Variants in MYCBP2 observed in about 807,000 individuals in gnomAD.
MYCBP2 encodes the protein MYC binding protein 2, also known as E3 ubiquitin-protein ligase MYCBP2.
A neutral mutation model predicts 525.3 loss-of-function variants in MYCBP2; 120 were observed. The observed-to-expected ratio is 0.23, with a 90% confidence interval of 0.20 to 0.27. The LOEUF (loss-of-function observed/expected upper bound fraction) is 0.27, where lower values mean the gene tolerates loss of function less well. Ranked by LOEUF, MYCBP2 falls within the 10% of genes least tolerant of loss-of-function variation. The pLI, the probability that MYCBP2 is intolerant of heterozygous loss-of-function variation, is 1.00. For synonymous variants in MYCBP2, 1,894 were observed against 1,955.8 expected (o/e 0.97, Z 0.83); for missense variants, 4,149 against 5,657.1 (o/e 0.73, Z 8.55).
At chr13:77,090,032 T>C (rs1348805790) in intron 60 of MYCBP2, 74 bp downstream of exon 60, 6 of 1,295,900 alleles carry the variant, frequency 4.6e-6, no homozygotes, top group Non-Finnish European at 5.1e-6. Flanking sequence ...TTTTAAAAAT[T>C]ATATGCAAAT....
intron 49 of MYCBP2, among the ~76,000 whole-genome samples, chr13:77,141,465 A>T (rs944427614): frequency 1.1e-4 from 17 of 152,124 alleles, no homozygotes; most frequent in African/African-American, 4.1e-4. Context: ...GTTGTAGGAA[A>T]TAAATGACGT....
At chr13:77,129,275 G>T in intron 52 of MYCBP2, 1 of 396,790 alleles carries the variant, frequency 2.5e-6, no homozygotes, top group Non-Finnish European at 4.5e-6. Flanking sequence ...CAAAGAAAGG[G>T]AACAGGATAT....
chr13:77,139,202 A>G lies in MYCBP2; in HGVS notation c.7653T>C (p.Pro2551=). ...AAAACCACCTTTTACTTACGTCAACAGGGACCAGAAGACTCTTGCCAAGAT... is the reference window on the plus strand; with the variant it reads ...AAAACCACCTTTTACTTACGTCAACGGGGACCAGAAGACTCTTGCCAAGAT... ...NQHLGKSLLV[P]VDESKTNTDD... Residue 2551 remains proline (P), a synonymous_variant, in exon 52 of 83, where the codon CCT becomes CCC. Coordinates refer to ENST00000544440, the MANE Select transcript of MYCBP2 (RefSeq NM_015057.5). The G allele has an allele frequency of 6.2e-7, 1 of 1,613,232 alleles. No homozygotes were observed. The highest frequency in any genetic ancestry group is 8.5e-7 in the Non-Finnish European group (1 of 1,179,456).
chr13:77,057,041 T>C lies in MYCBP2; in HGVS notation c.13382A>G (p.Asn4461Ser). ...TGTTATCCTTGGGCCAAGCCATCGATTTTCTAATACTCGCCGACAGCACTG... is the reference window on the plus strand; with the variant it reads ...TGTTATCCTTGGGCCAAGCCATCGACTTTCTAATACTCGCCGACAGCACTG... ...HLQCCRRVLE[N>S]RWLGPRITFG... The change falls in exon 79 of 83, where the codon AAT becomes AGT. Residue 4461 changes from asparagine (N) to serine (S), a missense_variant. Around this residue, in one of 21 missense-constraint regions of MYCBP2, gnomAD observed 220 missense variants for 396.0 expected, o/e 0.56. Transcript: ENST00000544440. 6.2e-7 allele frequency: 1 copy of C among 1,614,028 alleles called. No individual in the cohort carries two copies. The highest frequency in any genetic ancestry group is 8.5e-7 in the Non-Finnish European group (1 of 1,179,952).
chr13:77,163,770 C>T (rs974702903), intron 43 of MYCBP2, among the ~76,000 whole-genome samples: 1 of 152,128 alleles, frequency 6.6e-6, no homozygotes, highest in African/African-American at 2.4e-5. Context: ...ATTTTGCTAA[C>T]ATATTTCTTA....
chr13:77,227,709 T>C (rs1254913310), intron 18 of MYCBP2, among the ~76,000 whole-genome samples: 8 of 152,334 alleles, frequency 5.3e-5, no homozygotes, highest in Non-Finnish European at 7.4e-5. Flanking sequence ...TATAAATGTA[T>C]TGATGCCTAG....
chr13:77,048,110 A>G (rs942976197), intron 82 of MYCBP2, among the ~76,000 whole-genome samples: 6 of 151,998 alleles, frequency 3.9e-5, no homozygotes, highest in Admixed American at 3.9e-4. Context: ...CATTAACACC[A>G]ATGTTATGGT....
intron 40 of MYCBP2, among the ~76,000 whole-genome samples, chr13:77,167,092 T>C (rs2058637901): frequency 6.6e-6 from 1 of 151,810 alleles, no homozygotes; most frequent in South Asian, 2.1e-4. Flanking sequence ...GAATTTTAGA[T>C]ATAAGAGAAA....
At chr13:77,248,737 T>C (rs2070548949) in intron 15 of MYCBP2, among the ~76,000 whole-genome samples, 1 of 152,136 alleles carries the variant, frequency 6.6e-6, no homozygotes, top group Non-Finnish European at 1.5e-5. Flanking sequence ...AAAATTACCA[T>C]ATAGTCCAAC....
At chr13:77,175,255 G>T (rs1042215128) in intron 36 of MYCBP2, among the ~76,000 whole-genome samples, 4 of 151,698 alleles carry the variant, frequency 2.6e-5, no homozygotes, top group African/African-American at 9.7e-5. Flanking sequence ...AATTGCATAA[G>T]CTGATACTTT....
chr13:77,140,025 C>T, intron 51 of MYCBP2, 22 bp downstream of exon 51: 1 of 1,533,136 alleles, frequency 6.5e-7, no homozygotes, highest in Non-Finnish European at 8.9e-7. Flanking sequence ...AATTTACTAC[C>T]AAAAGCTCCT....
At chr13:77,064,498 G>T (rs1215155732) in intron 73 of MYCBP2, 117 bp downstream of exon 73, 1 of 1,161,596 alleles carries the variant, frequency 8.6e-7, no homozygotes, top group Non-Finnish European at 1.2e-6. Context: ...TACGGTATTT[G>T]GTTAAAAAAT....
rs1235931388 is a variant in MYCBP2, at chr13:77,165,410, T to A, written c.6341-19A>T. On this transcript the variant is annotated intron_variant, in intron 41 of 82. Coordinates refer to ENST00000544440, the MANE Select transcript of MYCBP2 (RefSeq NM_015057.5). ...TCATTTCCTAATAAAAATGCCAGAA[T>A]TGAGTTCAAACTCTAAAACAATTTT... The A allele has an allele frequency of 1.3e-6, 2 of 1,539,328 alleles. No homozygotes were observed. The highest frequency in any genetic ancestry group is 1.8e-6 in the Non-Finnish European group (2 of 1,133,168).
Position 77,211,186 on chromosome 13 carries a change from C to T in MYCBP2, c.3397G>A (p.Val1133Ile). 6.7e-7 allele frequency: 1 copy of T among 1,488,054 alleles called. No homozygotes were observed. Among genetic ancestry groups the T allele is most frequent in the Non-Finnish European group, 9.0e-7 (1 of 1,116,546 alleles). 92.2% of individuals were successfully genotyped at this position (1,488,054 alleles called of 1,614,324 possible). ...GCTTACCTCCAAATTACATCATATA[C>T]AGGATCAAGACACACACCAAATCCT... ...LQGFGVCLDP[V>I]YDVIWRFRPN... The change falls in exon 23 of 83, where the codon GTA becomes ATA. Residue 1133 changes from valine (V) to isoleucine (I), a missense_variant. By Grantham distance (29) the Val-to-Ile change is conservative (BLOSUM62 3). Around this residue, in one of 21 missense-constraint regions of MYCBP2, gnomAD observed 620 missense variants for 795.5 expected, o/e 0.78. Transcript: ENST00000544440.
At position 77,077,247 on chromosome 13, in the gene MYCBP2, A is replaced by C; in HGVS notation, c.11625T>G (p.Gly3875=). ...TCTGGCCAGCTATTTTTGTGCTTTC[A>C]CCATCTTTCCAGCCCAGGACTTTGA... ...RQVKVLGWKD[G]ESTKIAGQIS... is the part of the protein sequence containing the mutation. The change falls in exon 67 of 83, where the codon GGT becomes GGG. Residue 3875 remains glycine, a synonymous_variant. Transcript: ENST00000544440. The C allele has an allele frequency of 6.2e-7, 1 of 1,613,992 alleles. No individual in the cohort carries two copies. The highest frequency in any genetic ancestry group is 1.1e-5 in the South Asian group (1 of 91,078).
chr13:77,204,923 A>G (rs2063139864), intron 26 of MYCBP2, among the ~76,000 whole-genome samples: 1 of 145,892 alleles, frequency 6.9e-6, no homozygotes, highest in South Asian at 2.3e-4. Flanking sequence ...GGGGAGGGAT[A>G]GCATTGGGAG....
chr13:77,237,441 G>A (rs979515679), intron 17 of MYCBP2, among the ~76,000 whole-genome samples: 3 of 151,694 alleles, frequency 2.0e-5, no homozygotes, highest in Non-Finnish European at 2.9e-5. Context: ...GGGAAGGTAG[G>A]GGTACAATAC....
chr13:77,304,708 A>G (rs1334202201), intron 1 of MYCBP2, among the ~76,000 whole-genome samples: 1 of 152,170 alleles, frequency 6.6e-6, no homozygotes, highest in Non-Finnish European at 1.5e-5. Context: ...ATGTATCAAA[A>G]TATCATATTA....
At chr13:77,071,271 G>GCGCACACACA (rs375003621) in intron 68 of MYCBP2, among the ~76,000 whole-genome samples, 21 of 142,736 alleles carry the variant, frequency 1.5e-4, no homozygotes, top group Admixed American at 3.5e-4. Context: ...GTGTGCACAC[G>GCGCACACACA]CACACACACA....
Sources: gnomAD v4.1 joint callset for allele counts (sites outside exome capture counted in the v4.1 genomes callset) on GRCh38, gnomAD v4.1.1 for gene constraint, gnomAD v4.1.1 regional missense constraint, MANE v1.5 for transcripts, NCBI Gene and HGNC (gene_info 2026-07-23, HGNC 2026-07-21) for gene names.